PDE6D: variants seen among roughly 807,000 people sequenced by gnomAD.
PDE6D encodes the protein phosphodiesterase 6D.
PDE6D carries 10 observed loss-of-function variants against 21.9 expected under a neutral mutation model. That is an observed-to-expected ratio of 0.46 (90% confidence interval 0.28 to 0.78). PDE6D has a LOEUF of 0.78. Among genes scored for constraint, PDE6D ranks in the 30% least tolerant of loss-of-function variants. The pLI is 0.12. For synonymous variants in PDE6D, 59 were observed against 63.5 expected (o/e 0.93, Z 0.34); for missense variants, 139 against 184.8 (o/e 0.75, Z 1.44).
intron 3 of PDE6D, chr2:231,737,668 G>T: frequency 3.3e-6 from 1 of 299,312 alleles, no homozygotes. Flanking sequence ...TCAATGCAGA[G>T]TGGCCTTGCC....
chr2:231,755,431 A>G (rs2048875410), intron 1 of PDE6D, among the ~76,000 whole-genome samples: 1 of 152,196 alleles, frequency 6.6e-6, no homozygotes, highest in African/African-American at 2.4e-5. Context: ...AATTCTGGGG[A>G]AGCTGATTGC....
intron 1 of PDE6D, among the ~76,000 whole-genome samples, chr2:231,748,446 T>G (rs1225577253): frequency 1.3e-5 from 2 of 152,184 alleles, no homozygotes; most frequent in African/African-American, 4.8e-5. Flanking sequence ...ATTTAAGAGA[T>G]AACTTGGGTG....
chr2:231,779,125 G>A (rs568135706), intron 1 of PDE6D: 1 of 152,202 alleles, frequency 6.6e-6, no homozygotes, highest in Non-Finnish European at 1.5e-5. Context: ...GCTACCAGAG[G>A]ATGAGCACGC....
intron 1 of PDE6D, among the ~76,000 whole-genome samples, chr2:231,749,511 T>C (rs2048821098): frequency 1.3e-5 from 2 of 151,666 alleles, no homozygotes; most frequent in African/African-American, 2.4e-5. Context: ...ACTTTTTTTT[T>C]TTTTTTTTTG....
chr2:231,753,021 CG>C (rs1279946292), intron 1 of PDE6D, among the ~76,000 whole-genome samples: 2 of 148,910 alleles, frequency 1.3e-5, no homozygotes, highest in Non-Finnish European at 3.0e-5. Context: ...TTAGTAGAGA[CG>C]GGGTTTCACC....
chr2:231,778,922 T>G (rs2049078519), intron 1 of PDE6D: 1 of 152,192 alleles, frequency 6.6e-6, no homozygotes. Flanking sequence ...ATGGTGCTCT[T>G]TTTGCAGTGA....
At chr2:231,753,529 C>T (rs34172773) in intron 1 of PDE6D, among the ~76,000 whole-genome samples, 21,990 of 150,420 alleles carry the variant, frequency 0.15, 2,010 homozygotes, top group Middle Eastern at 0.33. Context: ...CCAGCCTGGG[C>T]GACAGAGCAA....
intron 1 of PDE6D, among the ~76,000 whole-genome samples, chr2:231,762,405 T>G (rs1043033648): frequency 1.2e-4 from 18 of 144,820 alleles, no homozygotes; most frequent in Non-Finnish European, 1.5e-5. Context: ...AGTGCAGTAG[T>G]GCGATCTCAG....
At chr2:231,763,601 A>G (rs1251455207) in intron 1 of PDE6D, among the ~76,000 whole-genome samples, 1 of 152,002 alleles carries the variant, frequency 6.6e-6, no homozygotes, top group Non-Finnish European at 1.5e-5. Flanking sequence ...AATTTAAAAA[A>G]ACTTTTATGT....
chr2:231,748,882 C>T (rs1448768869), intron 1 of PDE6D, among the ~76,000 whole-genome samples: 1 of 152,164 alleles, frequency 6.6e-6, no homozygotes, highest in African/African-American at 2.4e-5. Context: ...GCACAGAAGT[C>T]AAGAATTGAG....
intron 1 of PDE6D, among the ~76,000 whole-genome samples, chr2:231,780,723 C>T (rs1403455381): frequency 2.6e-5 from 4 of 152,134 alleles, no homozygotes; most frequent in Admixed American, 6.5e-5. Context: ...GCAGCCCCAT[C>T]CCGGCCTCTG....
intron 4 of PDE6D, among the ~76,000 whole-genome samples, chr2:231,735,439 C>G (rs1385947323): frequency 6.6e-6 from 1 of 150,434 alleles, no homozygotes; most frequent in African/African-American, 2.4e-5. Flanking sequence ...GCTGGGACTA[C>G]AAGCGTGTGC....
At chr2:231,767,352 G>A (rs13412329) in intron 1 of PDE6D, among the ~76,000 whole-genome samples, 3,351 of 150,932 alleles carry the variant, frequency 0.022, 83 homozygotes, top group African/African-American at 0.059. Flanking sequence ...CAGAGTCTCC[G>A]TTGCCAAGGC....
Position 231,781,264 on chromosome 2 carries a change from C to T in PDE6D, c.-150G>A, listed in dbSNP as rs938939762. The T allele has an allele frequency of 3.1e-4, 205 of 671,612 alleles. No individual in the cohort carries two copies. Among genetic ancestry groups the T allele is most frequent in the Non-Finnish European group, 4.9e-4 (187 of 381,296 alleles). 41.6% of individuals were successfully genotyped at this position (671,612 alleles called of 1,614,324 possible). A position where few individuals can be genotyped will look rare whatever the true frequency, so the allele number is the denominator to read the frequency against. On this transcript the variant is annotated 5_prime_UTR_variant, in exon 1 of 5. Coordinates refer to ENST00000287600, the MANE Select transcript of PDE6D (RefSeq NM_002601.4). ...AGACCAGGACCGGCCTCTCTCTCCC[C>T]TCAGCTCCCGCTTCTGATCCCTTCT...
intron 1 of PDE6D, among the ~76,000 whole-genome samples, chr2:231,752,831 G>GTTTTTTT (rs778027978): frequency 2.5e-5 from 3 of 119,296 alleles, no homozygotes; most frequent in Non-Finnish European, 3.4e-5. Flanking sequence ...AGAGATTTGA[G>GTTTTTTT]TTTTTTTTTT....
intron 4 of PDE6D, among the ~76,000 whole-genome samples, chr2:231,734,465 AC>A (rs1269117098): frequency 2.7e-5 from 4 of 146,776 alleles, no homozygotes; most frequent in Admixed American, 6.8e-5. Context: ...AAAAAAAAAA[AC>A]CCCTGCTTTC....
intron 1 of PDE6D, among the ~76,000 whole-genome samples, chr2:231,764,806 A>G (rs2048957078): frequency 6.6e-6 from 1 of 152,244 alleles, no homozygotes. Flanking sequence ...GTCAAATTCT[A>G]CTGACACTAT....
At chr2:231,755,885 A>G (rs1412430264) in intron 1 of PDE6D, among the ~76,000 whole-genome samples, 1 of 151,858 alleles carries the variant, frequency 6.6e-6, no homozygotes, top group Non-Finnish European at 1.5e-5. Context: ...GTGCCATTGC[A>G]CTCCAGCCTG....
At chr2:231,772,427 C>A (rs2049022857) in intron 1 of PDE6D, among the ~76,000 whole-genome samples, 1 of 152,126 alleles carries the variant, frequency 6.6e-6, no homozygotes, top group Admixed American at 6.5e-5. Context: ...CTTTTCTTCC[C>A]AGCTCCAAAA....
Sources: gnomAD v4.1 joint callset for allele counts (sites outside exome capture counted in the v4.1 genomes callset) on GRCh38, gnomAD v4.1.1 for gene constraint, MANE v1.5 for transcripts, NCBI Gene and HGNC (gene_info 2026-07-23, HGNC 2026-07-21) for gene names.